ADGRB3: variants seen among roughly 807,000 people sequenced by gnomAD.
ADGRB3 encodes brain-specific angiogenesis inhibitor 3.
ADGRB3 carries 37 observed loss-of-function variants against 193.4 expected under a neutral mutation model. The ratio of observed to expected loss-of-function variants is 0.19; its 90% CI spans 0.15 to 0.25. ADGRB3 has a LOEUF of 0.25. Among genes scored for constraint, ADGRB3 ranks in the 10% least tolerant of loss-of-function variants. The probability of loss-of-function intolerance (pLI) is 1.00; values close to 1 mark genes in which losing one functional copy is unlikely to be tolerated. For missense variants in ADGRB3, 1,637 were observed against 1,852.9 expected, an observed-to-expected ratio of 0.88 and a Z score of 2.14; for synonymous variants, 690 against 644.2, an observed-to-expected ratio of 1.07 and a Z score of -1.08.
chr6:68,905,692 C>G (rs571900587), intron 3 of ADGRB3, among the ~76,000 whole-genome samples: 1 of 152,144 alleles, frequency 6.6e-6, no homozygotes, highest in Non-Finnish European at 1.5e-5. Context: ...ATCATCCCCA[C>G]GTCTCCTTGC....
chr6:68,724,697 T>C (rs1174692899), intron 3 of ADGRB3, among the ~76,000 whole-genome samples: 1 of 151,310 alleles, frequency 6.6e-6, no homozygotes, highest in Non-Finnish European at 1.5e-5. Context: ...TCACTTTTCC[T>C]GAAGATTCCT....
At chr6:68,978,299 G>A (rs1339143238) in intron 10 of ADGRB3, among the ~76,000 whole-genome samples, 23 of 147,240 alleles carry the variant, frequency 1.6e-4, no homozygotes. Context: ...TGGATAGATG[G>A]TTGGATAGGT....
intron 20 of ADGRB3, among the ~76,000 whole-genome samples, chr6:69,312,746 T>C (rs1768221244): frequency 6.6e-6 from 1 of 151,726 alleles, no homozygotes; most frequent in African/African-American, 2.4e-5. Flanking sequence ...TTATCTGATA[T>C]CATTTTCATA....
intron 3 of ADGRB3, among the ~76,000 whole-genome samples, chr6:68,899,129 G>A (rs975051432): frequency 1.3e-5 from 2 of 152,022 alleles, no homozygotes; most frequent in Non-Finnish European, 2.9e-5. Flanking sequence ...AGGTTATATG[G>A]GAACTTTTTG....
chr6:69,245,724 A>G (rs1193154551), intron 20 of ADGRB3, among the ~76,000 whole-genome samples: 1 of 151,996 alleles, frequency 6.6e-6, no homozygotes, highest in Non-Finnish European at 1.5e-5. Flanking sequence ...TTTTCCCATT[A>G]GAGAAAACCC....
chr6:68,796,138 G>A (rs957315290), intron 3 of ADGRB3, among the ~76,000 whole-genome samples: 2 of 152,014 alleles, frequency 1.3e-5, no homozygotes, highest in African/African-American at 2.4e-5. Flanking sequence ...CTGTAACAAA[G>A]AAATTAGTAC....
At chr6:68,663,373 A>G (rs1365911650) in intron 3 of ADGRB3, among the ~76,000 whole-genome samples, 1 of 151,642 alleles carries the variant, frequency 6.6e-6, no homozygotes, top group African/African-American at 2.4e-5. Flanking sequence ...AAATCATATA[A>G]AATACAAAAT....
At chr6:69,309,362 A>G (rs1386765054) in intron 20 of ADGRB3, among the ~76,000 whole-genome samples, 1 of 151,690 alleles carries the variant, frequency 6.6e-6, no homozygotes, top group African/African-American at 2.4e-5. Flanking sequence ...TTATTATGAG[A>G]TGCAATCCTT....
intron 3 of ADGRB3, among the ~76,000 whole-genome samples, chr6:68,927,231 C>T (rs1378809148): frequency 2.6e-5 from 4 of 152,010 alleles, no homozygotes; most frequent in Non-Finnish European, 5.9e-5. Context: ...TTGCTTTCAC[C>T]AAAGCAGATC....
At chr6:69,030,022 ATCACTGG>A (rs1001995647) in intron 13 of ADGRB3, among the ~76,000 whole-genome samples, 3 of 151,176 alleles carry the variant, frequency 2.0e-5, no homozygotes, top group African/African-American at 7.3e-5. Context: ...ATAGCTCATC[ATCACTGG>A]TCATAAGAGA....
chr6:69,207,326 C>G (rs1265872285), intron 17 of ADGRB3, among the ~76,000 whole-genome samples: 1 of 152,204 alleles, frequency 6.6e-6, no homozygotes, highest in Non-Finnish European at 1.5e-5. Context: ...CCACTCAAAA[C>G]TGGCAGCCTT....
chr6:68,733,830 G>A lies in ADGRB3; in HGVS notation c.757+94398G>A, dbSNP rs185613328. On this transcript the variant is annotated intron_variant, in intron 3 of 31. Coordinates refer to ENST00000370598, the MANE Select transcript of ADGRB3 (RefSeq NM_001704.3). ...AATGTACATGTAAAATGTAATGTACGTGTAAGAATGTACATGACAAGAATG... is the reference window on the plus strand; with the variant it reads ...AATGTACATGTAAAATGTAATGTACATGTAAGAATGTACATGACAAGAATG... Among the ~76,000 whole-genome samples the A allele has an allele frequency of 1.2e-3, 177 of 151,992 alleles. 1 individual carries two copies. The highest frequency in any genetic ancestry group is 3.7e-3 in the African/African-American group (154 of 41,514).
intron 31 of ADGRB3, among the ~76,000 whole-genome samples, chr6:69,388,295 A>G (rs1211041058): frequency 2.0e-5 from 3 of 152,104 alleles, no homozygotes; most frequent in Non-Finnish European, 4.4e-5. Context: ...ATGCCCCATA[A>G]GACATTCTCA....
At chr6:69,150,354 T>C (rs1292006459) in intron 17 of ADGRB3, among the ~76,000 whole-genome samples, 1 of 152,120 alleles carries the variant, frequency 6.6e-6, no homozygotes, top group Admixed American at 6.5e-5. Flanking sequence ...CTCTCTCTTT[T>C]AACAGGCAGA....
intron 17 of ADGRB3, among the ~76,000 whole-genome samples, chr6:69,228,617 G>A (rs1284117291): frequency 2.0e-5 from 3 of 152,126 alleles, no homozygotes; most frequent in Non-Finnish European, 2.9e-5. Flanking sequence ...TGTCCTTTCT[G>A]GTGATGGGAA....
chr6:69,253,921 G>A (rs1334698617), intron 20 of ADGRB3, among the ~76,000 whole-genome samples: 3 of 151,980 alleles, frequency 2.0e-5, no homozygotes, highest in Non-Finnish European at 2.9e-5. Flanking sequence ...GCATATAGAA[G>A]GGCATGCCAT....
chr6:69,266,875 G>A (rs1026453933), intron 20 of ADGRB3, among the ~76,000 whole-genome samples: 2 of 152,028 alleles, frequency 1.3e-5, no homozygotes, highest in African/African-American at 4.8e-5. Flanking sequence ...TTATATAATT[G>A]TTTTGAAATG....
chr6:68,947,660 T>G (rs1767808679), intron 6 of ADGRB3, among the ~76,000 whole-genome samples: 1 of 152,142 alleles, frequency 6.6e-6, no homozygotes, highest in African/African-American at 2.4e-5. Context: ...ATTGTGTCAC[T>G]CATCTAATCT....
intron 3 of ADGRB3, among the ~76,000 whole-genome samples, chr6:68,897,626 G>A (rs1489475087): frequency 7.2e-6 from 1 of 139,180 alleles, no homozygotes; most frequent in Admixed American, 7.2e-5. Flanking sequence ...AAGGGAGGGA[G>A]GGAGGAAAGA....
Sources: allele counts gnomAD v4.1 joint callset (sites outside exome capture counted in the v4.1 genomes callset), GRCh38; gene constraint gnomAD v4.1.1; transcripts MANE v1.5; gene names NCBI Gene and HGNC (gene_info 2026-07-23, HGNC 2026-07-21).